The following MYO18B variants were observed in gnomAD, a reference collection of about 807,000 sequenced individuals.
The protein encoded by MYO18B is myosin XVIIIB.
In MYO18B, 204 loss-of-function variants were observed where a neutral mutation model predicts 273.0. The observed-to-expected ratio is 0.75, with a 90% CI of 0.67 to 0.84. The LOEUF (loss-of-function observed/expected upper bound fraction) is 0.84, where lower values mean the gene tolerates loss of function less well. Among genes scored for constraint, MYO18B ranks in the 40% least tolerant of loss-of-function variants. The probability of loss-of-function intolerance (pLI) is 0.00; values close to 1 mark genes in which losing one functional copy is unlikely to be tolerated. For synonymous variants in MYO18B, 1,330 were observed against 1,305.7 expected (o/e 1.02, Z -0.40); for missense variants, 3,212 against 3,287.6 (o/e 0.98, Z 0.56).
chr22:25,801,669 A>C lies in MYO18B; in HGVS notation c.2521+3572A>C, dbSNP rs1601736979. ...GCCACTGATCTGGTATCACACAGCC[A>C]GTACCTTCCAGAGTGGGGTTTGGGC... On this transcript the variant is annotated intron_variant, in intron 12 of 43. Transcript: ENST00000335473. Among the ~76,000 whole-genome samples, 3 of 152,292 alleles carry C rather than the reference A, an allele frequency of 2.0e-5. No homozygotes were observed. In the East Asian group the frequency reaches 5.8e-4, roughly 29 times the overall value.
chr22:25,781,982 G>C (rs1179963293), intron 10 of MYO18B, 148 bp downstream of exon 10: 5 of 550,822 alleles, frequency 9.1e-6, no homozygotes, highest in Non-Finnish European at 1.5e-5. Flanking sequence ...AGCTGTCTGG[G>C]TACACGCAGC....
At position 25,798,445 on chromosome 22, in the gene MYO18B, A is replaced by T. The variant is rs545687768; in HGVS notation, c.2521+348A>T. ...AATTGTATTTAATTCTACTTAATTT[A>T]AATTTAAGTAGTCATAGGTAGCCAG... On this transcript the variant is annotated intron_variant, in intron 12 of 43. Transcript: ENST00000335473. Among the ~76,000 whole-genome samples, 6 of 152,304 alleles carry T rather than the reference A, an allele frequency of 3.9e-5. No homozygotes were observed. In the South Asian group the frequency reaches 1.2e-3, roughly 32 times the overall value.
rs779242792 is a variant in MYO18B at position 26,004,703 on chromosome 22, G to T, written c.6333-15G>T. The T allele has an allele frequency of 8.7e-6, 14 of 1,613,002 alleles. No homozygotes were observed. Among genetic ancestry groups the T allele is most frequent in the Non-Finnish European group, 1.1e-5 (13 of 1,179,438 alleles). ...ATTGTCATTGTGCTGATGGTGTCCT[G>T]CAATCTTATTCTAGGGATAACGTCT... On this transcript the variant is annotated splice_polypyrimidine_tract_variant and intron_variant, in intron 41 of 43. Transcript: ENST00000335473.
rs564863681 is a variant in MYO18B at position 25,909,998 on chromosome 22, T to C, written c.5260-948T>C. Among the ~76,000 whole-genome samples the C allele has an allele frequency of 6.6e-5, 10 of 152,208 alleles. No individual in the cohort carries two copies. In the South Asian group the frequency reaches 8.3e-4, roughly 13 times the overall value. ...GCATGAGGTGGAAATGGAGGATGGA[T>C]AATATATACAAGAGAGGCTGGTGGG... On this transcript the variant is annotated intron_variant, in intron 32 of 43. Transcript: ENST00000335473.
At chr22:26,018,908 A>G (rs1416210890) in intron 42 of MYO18B, among the ~76,000 whole-genome samples, 1 of 152,184 alleles carries the variant, frequency 6.6e-6, no homozygotes, top group Non-Finnish European at 1.5e-5. Flanking sequence ...GTGAGCCGAG[A>G]TTGTGCCATT....
chr22:25,768,371 A>G lies in MYO18B; in HGVS notation c.455A>G (p.Asp152Gly), dbSNP rs764715379. Residue 152 changes from aspartate (D) to glycine (G), a missense_variant, in exon 4 of 44, where the codon GAT (aspartate) becomes GGT (glycine). Coordinates refer to ENST00000335473, the MANE Select transcript of MYO18B (RefSeq NM_032608.7). ...VPFKRGVRRGDVLLMVAKLDP... is the reference protein window; with the variant it reads ...VPFKRGVRRGGVLLMVAKLDP... ...TTCAAGAGGGGCGTGAGGAGGGGTG[A>G]TGTGTTGTTGATGGTGGCCAAGCTG... 6.8e-6 allele frequency: 11 copies of G among 1,613,676 alleles called. No homozygotes were observed. In the African/African-American group the frequency reaches 8.0e-5, roughly 12 times the overall value.
In MYO18B at chr22:25,826,476, G is replaced by A. The variant is rs984469268; in HGVS notation, c.2763G>A (p.Ala921=). ...CGGGCCTGTACCAGGAACTCTTTGCGGCTGTGGTCTCACTCATCAACAGGT... is the reference window on the plus strand; with the variant it reads ...CGGGCCTGTACCAGGAACTCTTTGCAGCTGTGGTCTCACTCATCAACAGGT... ...MASGLYQELF[A]AVVSLINRSF... is the part of the protein sequence containing the mutation. The change falls in exon 14 of 44, where the codon GCG becomes GCA. Residue 921 remains alanine, a synonymous_variant. Coordinates refer to ENST00000335473, the MANE Select transcript of MYO18B (RefSeq NM_032608.7). 63 of 1,613,764 alleles carry A rather than the reference G, an allele frequency of 3.9e-5. No homozygotes were observed. The highest frequency in any genetic ancestry group is 5.2e-5 in the Non-Finnish European group (61 of 1,179,726).
At chr22:25,757,163 A>G (rs989481159) in intron 1 of MYO18B, among the ~76,000 whole-genome samples, 1 of 152,216 alleles carries the variant, frequency 6.6e-6, no homozygotes, top group East Asian at 1.9e-4. Flanking sequence ...ATGGCATACT[A>G]TTCTACTCTA....
chr22:25,979,708 A>G (rs989039202), intron 39 of MYO18B, among the ~76,000 whole-genome samples: 1 of 151,990 alleles, frequency 6.6e-6, no homozygotes, highest in African/African-American at 2.4e-5. Flanking sequence ...CTTTAGAGAG[A>G]TTTCTTTTTA....
chr22:25,941,146 T>C (rs1232698594), intron 34 of MYO18B, among the ~76,000 whole-genome samples: 2 of 152,162 alleles, frequency 1.3e-5, no homozygotes, highest in Non-Finnish European at 2.9e-5. Flanking sequence ...TCTAATGAAC[T>C]TAAACTAAAA....
At chr22:25,828,439 C>T (rs1256362343) in intron 14 of MYO18B, among the ~76,000 whole-genome samples, 2 of 151,800 alleles carry the variant, frequency 1.3e-5, no homozygotes, top group East Asian at 1.9e-4. Context: ...TTTTAATAGG[C>T]CTCTGAAGAA....
At chr22:25,756,099 G>A (rs1321554665) in intron 1 of MYO18B, among the ~76,000 whole-genome samples, 1 of 152,034 alleles carries the variant, frequency 6.6e-6, no homozygotes, top group African/African-American at 2.4e-5. Context: ...GGGTTTCACC[G>A]TGTTAGCCAG....
chr22:25,752,032 T>C (rs2085942955), intron 1 of MYO18B, among the ~76,000 whole-genome samples: 2 of 152,182 alleles, frequency 1.3e-5, no homozygotes, highest in Admixed American at 6.5e-5. Flanking sequence ...ATGATAAACA[T>C]GCTTTCCCAT....
intron 37 of MYO18B, among the ~76,000 whole-genome samples, chr22:25,951,919 C>T (rs1271800729): frequency 6.6e-6 from 1 of 152,232 alleles, no homozygotes; most frequent in African/African-American, 2.4e-5. Context: ...CCCAAACCCA[C>T]ACTTGCTTGT....
At chr22:26,041,296 C>T in the MYO18B span, among the ~76,000 whole-genome samples, 1 of 141,544 alleles carries the variant, frequency 7.1e-6, no homozygotes, top group Admixed American at 7.5e-5. Flanking sequence ...TGGAGGGTCA[C>T]TAGAGCCTAG....
At chr22:25,983,386 T>C (rs2093169196) in intron 39 of MYO18B, 1 of 152,072 alleles carries the variant, frequency 6.6e-6, no homozygotes, top group Admixed American at 6.5e-5. Context: ...AAAAAAAAAT[T>C]CATAATTCTG....
chr22:25,924,007 C>A (rs1039951768), intron 34 of MYO18B, among the ~76,000 whole-genome samples: 1 of 152,166 alleles, frequency 6.6e-6, no homozygotes, highest in African/African-American at 2.4e-5. Flanking sequence ...GTCCTTCTTC[C>A]TAGTCTCTGC....
chr22:25,940,633 C>T (rs2092632714), intron 34 of MYO18B, among the ~76,000 whole-genome samples: 1 of 152,098 alleles, frequency 6.6e-6, no homozygotes, highest in South Asian at 2.1e-4. Flanking sequence ...TGTTAAACAT[C>T]CCCCCGGTGG....
At chr22:25,856,524 A>T (rs2090579364) in intron 21 of MYO18B, among the ~76,000 whole-genome samples, 1 of 152,250 alleles carries the variant, frequency 6.6e-6, no homozygotes, top group Admixed American at 6.5e-5. Context: ...AGGAGATGCC[A>T]CTAAAACATT....
Sources: allele counts gnomAD v4.1 joint callset (sites outside exome capture counted in the v4.1 genomes callset), GRCh38; gene constraint gnomAD v4.1.1; transcripts MANE v1.5; gene names NCBI Gene and HGNC (gene_info 2026-07-23, HGNC 2026-07-21).